TRHDE: variants seen among roughly 807,000 people sequenced by gnomAD.
The protein encoded by TRHDE is thyrotropin releasing hormone degrading enzyme.
In TRHDE, 72 loss-of-function variants were observed where a neutral mutation model predicts 125.7. The ratio of observed to expected loss-of-function variants is 0.57; its 90% CI spans 0.47 to 0.70. The LOEUF is 0.70. TRHDE is among the 30% of genes least tolerant of loss of function. TRHDE has a pLI of 0.00. For synonymous variants in TRHDE, 509 were observed against 509.1 expected (o/e 1.00, Z 0.00); for missense variants, 1,110 against 1,327.1 (o/e 0.84, Z 2.54).
At chr12:72,289,838 T>G (rs1029664169) in intron 2 of TRHDE, among the ~76,000 whole-genome samples, 7 of 152,184 alleles carry the variant, frequency 4.6e-5, no homozygotes, top group African/African-American at 1.7e-4. Flanking sequence ...GGTGACTCAC[T>G]TACATGAGGC....
At chr12:72,448,506 A>G (rs1044306081) in intron 3 of TRHDE, among the ~76,000 whole-genome samples, 2 of 152,086 alleles carry the variant, frequency 1.3e-5, no homozygotes, top group African/African-American at 4.8e-5. Flanking sequence ...TTAATTAGCT[A>G]ATCTATTGGT....
chr12:72,607,730 G>C (rs1365398194), intron 12 of TRHDE, among the ~76,000 whole-genome samples: 1 of 152,000 alleles, frequency 6.6e-6, no homozygotes, highest in Non-Finnish European at 1.5e-5. Flanking sequence ...GTCTAACTTT[G>C]GCCAGGAGGT....
intron 15 of TRHDE, among the ~76,000 whole-genome samples, chr12:72,647,973 G>C (rs918387445): frequency 6.6e-6 from 1 of 151,958 alleles, no homozygotes; most frequent in African/African-American, 2.4e-5. Flanking sequence ...GAAAACTACA[G>C]GTAAATACCC....
intron 3 of TRHDE, among the ~76,000 whole-genome samples, chr12:72,422,437 T>G (rs1873997475): frequency 6.6e-6 from 1 of 152,206 alleles, no homozygotes; most frequent in African/African-American, 2.4e-5. Flanking sequence ...ACATTTTGAT[T>G]AACAATCTAT....
At chr12:72,235,021 C>T (rs1458153380) in intron 2 of TRHDE, among the ~76,000 whole-genome samples, 1 of 152,172 alleles carries the variant, frequency 6.6e-6, no homozygotes, top group East Asian at 1.9e-4. Context: ...CAGTGTCTGG[C>T]ACAGTGCTTA....
rs1877873936 is a variant in TRHDE, at chr12:72,215,639, A to G, written n.279+109887A>G. ...TTGGGATCCCACAGCTTTGTTTTCA[A>G]GGCTTATTATGATTTAGATAAATTT... On this transcript the variant is annotated intron_variant and non_coding_transcript_variant, in intron 2 of 4. Coordinates refer to the TRHDE transcript ENST00000548156. Among the ~76,000 whole-genome samples, 4 of 152,134 alleles carry G rather than the reference A, an allele frequency of 2.6e-5. No individual in the cohort carries two copies. In the South Asian group the frequency reaches 8.3e-4, roughly 32 times the overall value.
intron 1 of TRHDE, among the ~76,000 whole-genome samples, chr12:72,089,833 A>G (rs1430474851): frequency 6.6e-6 from 1 of 152,328 alleles, no homozygotes. Flanking sequence ...TGGGATCTGC[A>G]TCTGCTTTCC....
intron 2 of TRHDE, among the ~76,000 whole-genome samples, chr12:72,266,184 G>T (rs1035365777): frequency 6.6e-6 from 1 of 152,020 alleles, no homozygotes; most frequent in Non-Finnish European, 1.5e-5. Context: ...TGGACTAGAA[G>T]ATACATGTGG....
intron 5 of TRHDE, among the ~76,000 whole-genome samples, chr12:72,499,284 T>TC (rs1878047843): frequency 6.6e-6 from 1 of 152,172 alleles, no homozygotes; most frequent in South Asian, 2.1e-4. Flanking sequence ...CAATGTAGTG[T>TC]CCATTGATTT....
At chr12:72,594,564 C>T (rs921111413) in intron 12 of TRHDE, among the ~76,000 whole-genome samples, 7 of 150,294 alleles carry the variant, frequency 4.7e-5, no homozygotes, top group Non-Finnish European at 8.9e-5. Flanking sequence ...TCATATAATC[C>T]CATTTGGTAT....
chr12:72,468,395 T>G (rs1486926279), intron 3 of TRHDE, among the ~76,000 whole-genome samples: 2 of 152,256 alleles, frequency 1.3e-5, no homozygotes, highest in Non-Finnish European at 2.9e-5. Context: ...CTTTGTCCTT[T>G]GCTTAAAAGC....
At chr12:72,633,189 A>T (rs1024663354) in intron 15 of TRHDE, among the ~76,000 whole-genome samples, 4 of 152,056 alleles carry the variant, frequency 2.6e-5, no homozygotes, top group African/African-American at 9.7e-5. Flanking sequence ...AAAGGAGTGC[A>T]GTTACTTTAA....
At chr12:72,559,257 T>C (rs1176187060) in intron 7 of TRHDE, among the ~76,000 whole-genome samples, 1 of 152,208 alleles carries the variant, frequency 6.6e-6, no homozygotes, top group Non-Finnish European at 1.5e-5. Context: ...ATTCATTCTT[T>C]TAACACTGTA....
At chr12:72,203,143 T>TAG (rs572696783) in intron 2 of TRHDE, among the ~76,000 whole-genome samples, 58 of 149,586 alleles carry the variant, frequency 3.9e-4, no homozygotes, top group African/African-American at 9.3e-4. Context: ...GAAAGAGAGA[T>TAG]AGAGAGAGAG....
At position 72,380,718 on chromosome 12, in the gene TRHDE, CCTTCCTTCCTTCCTTG is replaced by C. The variant is rs1436603099; in HGVS notation, c.1315+2613_1315+2628del. The stretch of plus-strand genomic sequence containing the variant: ...CTGCAGCTTCCTTCCTTCCTTCCTT[CCTTCCTTCCTTCCTTG>C]CTTCCTTCCTTCCTTCCTTCCTTCC... On this transcript the variant is annotated intron_variant, in intron 3 of 18. Transcript: ENST00000261180. Among the ~76,000 whole-genome samples, 34 of 119,196 alleles carry C rather than the reference CCTTCCTTCCTTCCTTG, an allele frequency of 2.9e-4. 1 individual carries two copies. The highest frequency in any genetic ancestry group is 1.2e-3 in the African/African-American group (30 of 24,730). The allele number at this position is 119,196 out of a possible 152,430, so 78.2% of individuals were successfully genotyped here.
chr12:72,238,102 AG>A (rs1254499603), intron 2 of TRHDE, among the ~76,000 whole-genome samples: 4 of 151,424 alleles, frequency 2.6e-5, no homozygotes, highest in Non-Finnish European at 4.4e-5. Context: ...GATTTATCCA[AG>A]GGGTGACATG....
At chr12:72,280,073 G>A (rs1879639769) in intron 1 of TRHDE, among the ~76,000 whole-genome samples, 2 of 152,148 alleles carry the variant, frequency 1.3e-5, no homozygotes, top group South Asian at 4.1e-4. Context: ...AAGTGTGTGT[G>A]TATGTGTTTA....
intron 6 of TRHDE, among the ~76,000 whole-genome samples, chr12:72,538,342 A>G (rs1211664148): frequency 6.6e-6 from 1 of 151,984 alleles, no homozygotes; most frequent in African/African-American, 2.4e-5. Flanking sequence ...GACACTGCTT[A>G]TACCCAGTTT....
chr12:72,522,948 A>G (rs1439714328), intron 6 of TRHDE, among the ~76,000 whole-genome samples: 4 of 152,038 alleles, frequency 2.6e-5, no homozygotes, highest in African/African-American at 9.7e-5. Context: ...TTTTGTTCCT[A>G]ATTCCACTTT....
Sources: gnomAD v4.1 joint callset for allele counts (sites outside exome capture counted in the v4.1 genomes callset) on GRCh38, gnomAD v4.1.1 for gene constraint, MANE v1.5 for transcripts, NCBI Gene and HGNC (gene_info 2026-07-23, HGNC 2026-07-21) for gene names.